Variants in SOBP observed in about 807,000 individuals in gnomAD.
SOBP encodes the protein sine oculis binding protein homolog.
In SOBP, 4 loss-of-function variants were observed where a neutral mutation model predicts 53.6. The observed-to-expected ratio is 0.07, with a 90% CI of 0.04 to 0.17. SOBP has a LOEUF of 0.17. Ranked by LOEUF, SOBP falls within the 10% of genes least tolerant of loss-of-function variation. SOBP has a pLI of 1.00. For missense variants in SOBP, 1,088 were observed against 1,204.7 expected, an observed-to-expected ratio of 0.90 and a Z score of 1.43; for synonymous variants, 584 against 522.6, an observed-to-expected ratio of 1.12 and a Z score of -1.60.
intron 4 of SOBP, among the ~76,000 whole-genome samples, chr6:107,570,495 G>A (rs751151285): frequency 6.6e-6 from 1 of 152,196 alleles, no homozygotes; most frequent in Non-Finnish European, 1.5e-5. Context: ...TGATTCAAAA[G>A]TTGTCAGTAG....
rs771959846 is a variant in SOBP, at chr6:107,633,956, G to C, written c.1112G>C (p.Ser371Thr). 1.9e-6 allele frequency: 3 copies of C among 1,614,182 alleles called. No homozygotes were observed. Among genetic ancestry groups the C allele is most frequent in the Non-Finnish European group, 2.5e-6 (3 of 1,180,024 alleles). ...CCTGTCTCCGTCCAGCCACCTGCTA[G>C]CATCGGGCCTCCCCTTGGCGTCCCG... ...IPPVSVQPPA[S>T]IGPPLGVPPR... Residue 371 changes from serine to threonine, a missense_variant, in exon 6 of 7, where the codon AGC (serine) becomes ACC (threonine). Ser to Thr is a moderately conservative substitution (Grantham distance 58, BLOSUM62 1). Transcript: ENST00000317357.
intron 4 of SOBP, among the ~76,000 whole-genome samples, chr6:107,568,141 G>T (rs1298234386): frequency 6.6e-6 from 1 of 151,984 alleles, no homozygotes; most frequent in Non-Finnish European, 1.5e-5. Flanking sequence ...AATAGATAGG[G>T]TTAAATGGCG....
At chr6:107,611,403 A>G (rs998076280) in intron 5 of SOBP, among the ~76,000 whole-genome samples, 1 of 152,222 alleles carries the variant, frequency 6.6e-6, no homozygotes, top group African/African-American at 2.4e-5. Flanking sequence ...AAGCAAGCCT[A>G]TTTTTAGCAG....
intron 4 of SOBP, among the ~76,000 whole-genome samples, chr6:107,538,652 C>T (rs567672386): frequency 5.3e-5 from 8 of 152,260 alleles, no homozygotes; most frequent in African/African-American, 1.9e-4. Context: ...TATTCACTGC[C>T]TCATGTGTAT....
chr6:107,634,609 C>A lies in SOBP; in HGVS notation c.1765C>A (p.Gln589Lys). 2 of 1,598,510 alleles carry A rather than the reference C, an allele frequency of 1.3e-6. No individual in the cohort carries two copies. The highest frequency in any genetic ancestry group is 8.5e-7 in the Non-Finnish European group (1 of 1,178,350). ...CTCCCTGTCCCCCCGGGACTCCAAGCAGGGCTCGTCCAAGTCCGCGGACTC... is the reference window on the plus strand; with the variant it reads ...CTCCCTGTCCCCCCGGGACTCCAAGAAGGGCTCGTCCAAGTCCGCGGACTC... ...GHSLSPRDSK[Q>K]GSSKSADSPP... Residue 589 changes from glutamine to lysine, a missense_variant, in exon 6 of 7, where the codon CAG becomes AAG. Around this residue, in one of 6 missense-constraint regions of SOBP, gnomAD observed 665 missense variants for 629.7 expected, o/e 1.06. Coordinates refer to ENST00000317357, the MANE Select transcript of SOBP (RefSeq NM_018013.4). The surrounding 1 kb of genome is among the most constrained non-coding windows in gnomAD (Gnocchi z 4.5).
Position 107,591,891 on chromosome 6 carries a change from G to A in SOBP, c.669+4716G>A, listed in dbSNP as rs139824048. 1.2e-3 allele frequency among the ~76,000 whole-genome samples: 174 copies of A among 149,988 alleles called. 4 individuals carry two copies. The East Asian group carries it at 0.028, about 24-fold the overall frequency. On this transcript the variant is annotated intron_variant, in intron 5 of 6. Transcript: ENST00000317357. Reference sequence around the variant, plus strand: ...TAATCATGCTTCATTTTCCTTCCCCGCACCCCCTCCCACTTTTTTTGCTGT... The same window carrying A: ...TAATCATGCTTCATTTTCCTTCCCCACACCCCCTCCCACTTTTTTTGCTGT...
chr6:107,611,763 A>G (rs1195665851), intron 5 of SOBP, among the ~76,000 whole-genome samples: 4 of 152,238 alleles, frequency 2.6e-5, no homozygotes, highest in African/African-American at 9.6e-5. Flanking sequence ...ACTTTGCTCA[A>G]TTAAGCATGT....
chr6:107,602,859 G>A (rs886589189), intron 5 of SOBP, among the ~76,000 whole-genome samples: 7 of 152,074 alleles, frequency 4.6e-5, no homozygotes, highest in African/African-American at 1.7e-4. Context: ...GAAGCAATCT[G>A]TTGACATTTT....
chr6:107,590,887 T>C (rs1339334746), intron 5 of SOBP, among the ~76,000 whole-genome samples: 1 of 152,146 alleles, frequency 6.6e-6, no homozygotes, highest in Admixed American at 6.5e-5. Context: ...CAGGGCTCAA[T>C]AAACATGACA....
At chr6:107,627,214 G>A (rs950494013) in intron 5 of SOBP, among the ~76,000 whole-genome samples, 16 of 152,264 alleles carry the variant, frequency 1.1e-4, no homozygotes, top group East Asian at 1.9e-4. Flanking sequence ...GAGAAAAATC[G>A]TCTTCTGAAT....
chr6:107,642,263 G>A (rs2115164725), intron 6 of SOBP, among the ~76,000 whole-genome samples: 1 of 152,206 alleles, frequency 6.6e-6, no homozygotes, highest in East Asian at 1.9e-4. Context: ...AAATAGGGTG[G>A]GGTCAGGATT....
chr6:107,613,765 C>G (rs1161314290), intron 5 of SOBP, among the ~76,000 whole-genome samples: 2 of 152,116 alleles, frequency 1.3e-5, no homozygotes, highest in Non-Finnish European at 2.9e-5. Context: ...GGTCTAAGTC[C>G]AAAGTTGCTG....
At chr6:107,500,220 G>A (rs1361109600) in intron 1 of SOBP, among the ~76,000 whole-genome samples, 1 of 151,824 alleles carries the variant, frequency 6.6e-6, no homozygotes, top group Non-Finnish European at 1.5e-5. Flanking sequence ...GGTGAGCCCC[G>A]TCTCTACAAT....
At chr6:107,532,243 A>T (rs11760052) in intron 3 of SOBP, among the ~76,000 whole-genome samples, 1,008 of 32,154 alleles carry the variant, frequency 0.031, 3 homozygotes, top group Middle Eastern at 0.12. Context: ...TCTCTCTCTC[A>T]CACACACACA....
chr6:107,602,586 A>G lies in SOBP; in HGVS notation c.669+15411A>G, dbSNP rs879308199. Among the ~76,000 whole-genome samples the G allele has an allele frequency of 4.8e-3, 722 of 151,238 alleles. 3 individuals carry two copies. Among genetic ancestry groups the G allele is most frequent in the Non-Finnish European group, 7.8e-3 (528 of 67,910 alleles). On this transcript the variant is annotated intron_variant, in intron 5 of 6. Transcript: ENST00000317357. ...GCCGCGTTAAAAAAAAAAAAAAAAA[A>G]AGGAAAGGGAAAGGAAAGGAAGAAG... is the stretch of plus-strand genomic sequence containing the variant.
At chr6:107,593,520 A>T (rs1053310217) in intron 5 of SOBP, among the ~76,000 whole-genome samples, 1 of 152,206 alleles carries the variant, frequency 6.6e-6, no homozygotes, top group Non-Finnish European at 1.5e-5. Flanking sequence ...TCTGGTGGAT[A>T]AGAGTGGGAG....
chr6:107,610,609 A>G (rs1436284145), intron 5 of SOBP, among the ~76,000 whole-genome samples: 6 of 152,230 alleles, frequency 3.9e-5, no homozygotes, highest in Non-Finnish European at 8.8e-5. Flanking sequence ...AAGCTCTTCA[A>G]GTGATTCTAA....
chr6:107,617,958 G>T (rs1045217762), intron 5 of SOBP, among the ~76,000 whole-genome samples: 1 of 150,762 alleles, frequency 6.6e-6, no homozygotes, highest in Non-Finnish European at 1.5e-5. Context: ...CTCCCAAGTA[G>T]CTGGGACTAC....
At chr6:107,509,230 A>G (rs1783089226) in intron 3 of SOBP, among the ~76,000 whole-genome samples, 1 of 152,068 alleles carries the variant, frequency 6.6e-6, no homozygotes, top group African/African-American at 2.4e-5. Context: ...CCCCATCTCT[A>G]CTAAAAATAC....
Sources: gnomAD v4.1 joint callset for allele counts (sites outside exome capture counted in the v4.1 genomes callset) on GRCh38, gnomAD v4.1.1 for gene constraint, gnomAD v4.1.1 regional missense constraint, Gnocchi (gnomAD v3.1) non-coding constraint, MANE v1.5 for transcripts, NCBI Gene and HGNC (gene_info 2026-07-23, HGNC 2026-07-21) for gene names.